LMLN: variants seen among roughly 807,000 people sequenced by gnomAD.
LMLN encodes leishmanolysin-like peptidase.
In LMLN, 70 loss-of-function variants were observed where a neutral mutation model predicts 92.3. The observed-to-expected ratio is 0.76, with a 90% CI of 0.63 to 0.92. LMLN has a LOEUF of 0.92. Among genes scored for constraint, LMLN ranks in the 40% least tolerant of loss-of-function variants. The probability of loss-of-function intolerance (pLI) is 0.00; values close to 1 mark genes in which losing one functional copy is unlikely to be tolerated. For synonymous variants in LMLN, 308 were observed against 296.2 expected, an observed-to-expected ratio of 1.04 and a Z score of -0.41; for missense variants, 691 against 814.6, an observed-to-expected ratio of 0.85 and a Z score of 1.85.
At chr3:198,034,379 G>A (rs1723154356) in intron 14 of LMLN, among the ~76,000 whole-genome samples, 1 of 152,164 alleles carries the variant, frequency 6.6e-6, no homozygotes, top group Admixed American at 6.5e-5. Flanking sequence ...GGAGGCCGAG[G>A]CGGGCAGATC....
At chr3:197,998,062 G>A (rs1258015452) in intron 10 of LMLN, among the ~76,000 whole-genome samples, 4 of 152,160 alleles carry the variant, frequency 2.6e-5, no homozygotes, top group East Asian at 1.9e-4. Flanking sequence ...GCGTGCCAGC[G>A]CAGTAGAGCC....
rs11918022 is a variant in LMLN at position 198,020,770 on chromosome 3, T to G, written c.1366-676T>G. On this transcript the variant is annotated intron_variant, in intron 12 of 15. Transcript: ENST00000330198. ...CACCACACCCAGCTAATTTTTGTATTTTTTTTTTTTTTTTTTTTTTTTTTT... is the reference window on the plus strand; with the variant it reads ...CACCACACCCAGCTAATTTTTGTATGTTTTTTTTTTTTTTTTTTTTTTTTT... Among the ~76,000 whole-genome samples, 139 of 91,556 alleles carry G rather than the reference T, an allele frequency of 1.5e-3. 1 individual carries two copies. The highest frequency in any genetic ancestry group is 7.2e-3 in the African/African-American group (128 of 17,752). The allele number at this position is 91,556 out of a possible 152,430, so 60.1% of individuals were successfully genotyped here. A position where few individuals can be genotyped will look rare whatever the true frequency, so the allele number is the denominator to read the frequency against.
intron 6 of LMLN, among the ~76,000 whole-genome samples, chr3:197,980,983 G>A (rs1721540590): frequency 6.6e-6 from 1 of 152,090 alleles, no homozygotes; most frequent in Non-Finnish European, 1.5e-5. Context: ...TGCACCCGTG[G>A]TCCCAGCTAC....
In LMLN at chr3:197,983,929, G is replaced by A. The variant is rs768161810; in HGVS notation, c.729-14G>A. 2 of 1,517,814 alleles carry A rather than the reference G, an allele frequency of 1.3e-6. No homozygotes were observed. Among genetic ancestry groups the A allele is most frequent in the Non-Finnish European group, 1.8e-6 (2 of 1,094,076 alleles). 94.0% of individuals were successfully genotyped at this position (1,517,814 alleles called of 1,614,324 possible). A position where few individuals can be genotyped will look rare whatever the true frequency, so the allele number is the denominator to read the frequency against. On this transcript the variant is annotated splice_polypyrimidine_tract_variant and intron_variant, in intron 6 of 15. Coordinates refer to ENST00000330198, the Ensembl canonical transcript of LMLN. Reference sequence around the variant, plus strand: ...CTGGAATGTAATTTAAAAATTCAATGTCTGTTTTGACAGGCCAATAGCAGG... The same window carrying A: ...CTGGAATGTAATTTAAAAATTCAATATCTGTTTTGACAGGCCAATAGCAGG...
intron 1 of LMLN, 86 bp downstream of exon 1, chr3:197,960,526 T>C (rs1476749319): frequency 7.6e-7 from 1 of 1,311,904 alleles, no homozygotes; most frequent in Non-Finnish European, 1.1e-6. Context: ...TGGGAGAAGG[T>C]GTCCTGGATG....
intron 10 of LMLN, among the ~76,000 whole-genome samples, chr3:197,997,103 T>C (rs1722048169): frequency 2.1e-5 from 3 of 140,720 alleles, no homozygotes; most frequent in Admixed American, 2.0e-4. Flanking sequence ...TCCTTTCCTT[T>C]TACTTTTCTT....
chr3:198,039,089 T>C (rs1046434804), exon 16 of LMLN: 3 of 161,618 alleles, frequency 1.9e-5, no homozygotes, highest in African/African-American at 9.0e-5. Context: ...AACACCTTCA[T>C]CTGCAACCCA....
intron 14 of LMLN, among the ~76,000 whole-genome samples, chr3:198,029,952 C>T (rs896715961): frequency 1.3e-5 from 2 of 152,046 alleles, no homozygotes; most frequent in Non-Finnish European, 2.9e-5. Context: ...AAGTGATTCT[C>T]CTGCCTCAGC....
At chr3:198,027,979 C>CT (rs1162241999) in intron 14 of LMLN, among the ~76,000 whole-genome samples, 9 of 151,996 alleles carry the variant, frequency 5.9e-5, no homozygotes, top group Non-Finnish European at 1.2e-4. Flanking sequence ...TTTGAGGTTT[C>CT]TTTTTTATTA....
chr3:197,983,492 G>T (rs1225249392), intron 6 of LMLN, among the ~76,000 whole-genome samples: 1 of 152,128 alleles, frequency 6.6e-6, no homozygotes, highest in African/African-American at 2.4e-5. Flanking sequence ...CAGGAGAAAG[G>T]GAATAGCAAA....
At chr3:197,971,003 T>G (rs1174827766) in intron 1 of LMLN, among the ~76,000 whole-genome samples, 1 of 152,232 alleles carries the variant, frequency 6.6e-6, no homozygotes, top group Non-Finnish European at 1.5e-5. Context: ...TATTTCCTCT[T>G]CATTTTTGAA....
At chr3:198,027,046 G>A (rs1335575392) in intron 14 of LMLN, among the ~76,000 whole-genome samples, 3 of 152,068 alleles carry the variant, frequency 2.0e-5, no homozygotes, top group African/African-American at 7.2e-5. Context: ...TGATTCCATC[G>A]GTTGGAGACC....
intron 11 of LMLN, among the ~76,000 whole-genome samples, chr3:198,001,041 C>G (rs903322845): frequency 2.0e-5 from 3 of 152,182 alleles, no homozygotes; most frequent in Admixed American, 2.0e-4. Flanking sequence ...GCCCCCTCTA[C>G]TCCCTCACTA....
chr3:197,968,436 A>G (rs1214300362), intron 1 of LMLN, among the ~76,000 whole-genome samples: 1 of 152,038 alleles, frequency 6.6e-6, no homozygotes, highest in Non-Finnish European at 1.5e-5. Context: ...AGCCTGGGTA[A>G]CAGAGCAAGA....
intron 10 of LMLN, 140 bp downstream of exon 10, chr3:197,996,422 AT>A (rs2109893444): frequency 2.0e-6 from 1 of 495,816 alleles, no homozygotes; most frequent in East Asian, 3.4e-5. Flanking sequence ...CACTTTCCAG[AT>A]ACAGTCACTC....
At chr3:197,999,453 T>G in intron 11 of LMLN, 111 bp downstream of exon 11, 1 of 699,496 alleles carries the variant, frequency 1.4e-6, no homozygotes, top group Non-Finnish European at 2.5e-6. Flanking sequence ...ATATACTTAT[T>G]AATTATTTGA....
At chr3:198,033,168 C>A (rs1199072120) in intron 14 of LMLN, among the ~76,000 whole-genome samples, 1 of 152,208 alleles carries the variant, frequency 6.6e-6, no homozygotes, top group Non-Finnish European at 1.5e-5. Flanking sequence ...TATCAACACT[C>A]TCATATAATT....
chr3:198,024,302 G>C (rs529914389), intron 13 of LMLN, among the ~76,000 whole-genome samples: 8 of 146,970 alleles, frequency 5.4e-5, no homozygotes, highest in Non-Finnish European at 8.9e-5. Flanking sequence ...TGCAAGCTCC[G>C]CCTCCCGGGT....
chr3:198,023,047 G>A (rs1458458627), intron 13 of LMLN, among the ~76,000 whole-genome samples: 4 of 152,102 alleles, frequency 2.6e-5, no homozygotes, highest in Non-Finnish European at 5.9e-5. Flanking sequence ...AATATCTGGG[G>A]CTTTGTGGGT....
Sources: gnomAD v4.1 joint callset for allele counts (sites outside exome capture counted in the v4.1 genomes callset) on GRCh38, gnomAD v4.1.1 for gene constraint, MANE v1.5 for transcripts, NCBI Gene and HGNC (gene_info 2026-07-23, HGNC 2026-07-21) for gene names.